LUC7L: variants seen among roughly 807,000 people sequenced by gnomAD.
LUC7L encodes the protein LUC7 like.
LUC7L carries 29 observed loss-of-function variants against 51.1 expected under a neutral mutation model. The observed-to-expected ratio is 0.57, with a 90% CI of 0.42 to 0.77. LUC7L has a LOEUF of 0.77. Among genes scored for constraint, LUC7L ranks in the 30% least tolerant of loss-of-function variants. LUC7L has a pLI of 0.00. For synonymous variants in LUC7L, 181 were observed against 180.7 expected (o/e 1.00, Z -0.01); for missense variants, 403 against 511.9 (o/e 0.79, Z 2.05).
chr16:223,828 C>T (rs1201679380), intron 2 of LUC7L, among the ~76,000 whole-genome samples: 1 of 151,942 alleles, frequency 6.6e-6, no homozygotes, highest in Non-Finnish European at 1.5e-5. Flanking sequence ...CGCCACCACG[C>T]CCGGCTAATA....
rs1596703582 is a variant in LUC7L, at chr16:229,389, G to C, written c.-50C>G. 1.4e-6 allele frequency: 2 copies of C among 1,432,372 alleles called. No homozygotes were observed. Among genetic ancestry groups the C allele is most frequent in the Non-Finnish European group, 1.8e-6 (2 of 1,084,736 alleles). The allele number at this position is 1,432,372 out of a possible 1,614,324, so 88.7% of individuals were successfully genotyped here. ...CGGCCGCGACGACTTCTCTCAGGCAGGCGGTGGCAGCGGCGTCGACAAACG... is the reference window on the plus strand; with the variant it reads ...CGGCCGCGACGACTTCTCTCAGGCACGCGGTGGCAGCGGCGTCGACAAACG... On this transcript the variant is annotated 5_prime_UTR_variant, in exon 1 of 10. Transcript: ENST00000293872.
intron 7 of LUC7L, 104 bp downstream of exon 7, chr16:192,823 G>A (rs893922106): frequency 2.7e-5 from 26 of 975,312 alleles, no homozygotes; most frequent in Non-Finnish European, 3.6e-5. Flanking sequence ...CTTTTATAAC[G>A]GCCTATTGGG....
chr16:207,562 G>A (rs1474542528), intron 4 of LUC7L, among the ~76,000 whole-genome samples: 1 of 152,154 alleles, frequency 6.6e-6, no homozygotes, highest in African/African-American at 2.4e-5. Context: ...ACCATGTACA[G>A]AGGACGAAAA....
In LUC7L at chr16:229,314, GC is replaced by G; in HGVS notation, c.25del (p.Ala9ProfsTer48). 1 of 1,529,592 alleles carries G rather than the reference GC, an allele frequency of 6.5e-7. No individual in the cohort carries two copies. Among genetic ancestry groups the G allele is most frequent in the Non-Finnish European group, 8.7e-7 (1 of 1,145,244 alleles). 94.8% of individuals were successfully genotyped at this position (1,529,592 alleles called of 1,614,324 possible). A position where few individuals can be genotyped will look rare whatever the true frequency, so the allele number is the denominator to read the frequency against. ...CGTGCCCATGAGCTGGTCCAGCAGG[GC>G]CCGCATCTGCGCCTGGGCGGACATG... MSAQAQMR[A>X]LLDQLMGTAR... On this transcript the variant is annotated frameshift_variant, in exon 1 of 10. Transcript: ENST00000293872. LOFTEE classifies it high-confidence loss of function.
At chr16:213,938 T>G (rs2049715674) in intron 3 of LUC7L, among the ~76,000 whole-genome samples, 1 of 152,030 alleles carries the variant, frequency 6.6e-6, no homozygotes, top group Admixed American at 6.6e-5. Context: ...AAGGTCTCCA[T>G]CTCCTGATCT....
At position 216,414 on chromosome 16, in the gene LUC7L, G is replaced by A. The variant is rs551023642; in HGVS notation, c.255+4235C>T. On this transcript the variant is annotated intron_variant, in intron 3 of 9. Transcript: ENST00000293872. Reference sequence around the variant, plus strand: ...TTTTTTTTTTTTGAGACGGAGTCTCGCTCGGTTGTCCAGGCTGGAGTGCAG... The same window carrying A: ...TTTTTTTTTTTTGAGACGGAGTCTCACTCGGTTGTCCAGGCTGGAGTGCAG... 1.0e-4 allele frequency among the ~76,000 whole-genome samples: 13 copies of A among 127,912 alleles called. No individual in the cohort carries two copies. In the South Asian group the frequency reaches 1.5e-3, roughly 14 times the overall value. The allele number at this position is 127,912 out of a possible 152,430, so 83.9% of individuals were successfully genotyped here. A position where few individuals can be genotyped will look rare whatever the true frequency, so the allele number is the denominator to read the frequency against.
At chr16:228,201 G>T (rs2050177107) in intron 1 of LUC7L, 2 of 1,275,750 alleles carry the variant, frequency 1.6e-6, no homozygotes, top group African/African-American at 1.5e-5. Context: ...TTTAGGATTT[G>T]CAAGCATCCA....
chr16:191,280 C>G (rs564979209), intron 7 of LUC7L, among the ~76,000 whole-genome samples: 167 of 152,134 alleles, frequency 1.1e-3, no homozygotes, highest in Non-Finnish European at 1.2e-3. Flanking sequence ...AAGCAAAGCC[C>G]GAAGTTCCAG....
rs1190415687 is a variant in LUC7L, at chr16:227,229, A to T, written c.156+13T>A. 1 of 1,609,896 alleles carries T rather than the reference A, an allele frequency of 6.2e-7. No individual in the cohort carries two copies. The highest frequency in any genetic ancestry group is 8.5e-7 in the Non-Finnish European group (1 of 1,177,182). On this transcript the variant is annotated intron_variant, in intron 2 of 9. Coordinates refer to ENST00000293872, the MANE Select transcript of LUC7L (RefSeq NM_201412.3). ...GTCAGAGTGTTCCATGAGGTCCCCC[A>T]AAATGCACCTACCGTCCCAGCCAGG...
rs372906826 is a variant in LUC7L at position 221,186 on chromosome 16, A to ATTTT, written c.157-443_157-440dup. Among the ~76,000 whole-genome samples the ATTTT allele has an allele frequency of 3.2e-3, 322 of 101,184 alleles. 13 individuals are homozygous for ATTTT. Among genetic ancestry groups the ATTTT allele is most frequent in the East Asian group, 5.1e-3 (15 of 2,920 alleles). The allele number at this position is 101,184 out of a possible 152,430, so 66.4% of individuals were successfully genotyped here. A position where few individuals can be genotyped will look rare whatever the true frequency, so the allele number is the denominator to read the frequency against. On this transcript the variant is annotated intron_variant, in intron 2 of 9. Coordinates refer to ENST00000293872, the MANE Select transcript of LUC7L (RefSeq NM_201412.3). ...AGGCACGTGATACCACACCCAGCTA[A>ATTTT]TTTTTTTTTTTTTTTTTTTTTTTTT...
chr16:197,162 T>C (rs1020084279), intron 6 of LUC7L, among the ~76,000 whole-genome samples: 84 of 146,982 alleles, frequency 5.7e-4, no homozygotes, highest in African/African-American at 2.1e-3. Context: ...CGCCTCGGCC[T>C]CCCAAAATGC....
chr16:200,761 A>G (rs551803585), intron 5 of LUC7L, among the ~76,000 whole-genome samples: 1 of 152,166 alleles, frequency 6.6e-6, no homozygotes, highest in East Asian at 1.9e-4. Context: ...ACGTGCCTAT[A>G]GTCCCACCTA....
At position 229,420 on chromosome 16, in the gene LUC7L, C is replaced by G; in HGVS notation, c.-81G>C. 1 of 1,295,194 alleles carries G rather than the reference C, an allele frequency of 7.7e-7. No homozygotes were observed. The highest frequency in any genetic ancestry group is 1.0e-6 in the Non-Finnish European group (1 of 975,922). The allele number at this position is 1,295,194 out of a possible 1,614,324, so 80.2% of individuals were successfully genotyped here. A position where few individuals can be genotyped will look rare whatever the true frequency, so the allele number is the denominator to read the frequency against. ...GGCAGCGGCGTCGACAAACGATGGTCGCGTCGGCCTCGAGCCCACTCGGCT... is the reference window on the plus strand; with the variant it reads ...GGCAGCGGCGTCGACAAACGATGGTGGCGTCGGCCTCGAGCCCACTCGGCT... On this transcript the variant is annotated 5_prime_UTR_variant, in exon 1 of 10. Transcript: ENST00000293872.
intron 2 of LUC7L, among the ~76,000 whole-genome samples, chr16:224,602 G>A (rs1248118092): frequency 2.6e-5 from 4 of 151,968 alleles, no homozygotes; most frequent in South Asian, 2.1e-4. Flanking sequence ...GGCAGAGGTG[G>A]GTGGATCACC....
intron 4 of LUC7L, 140 bp downstream of exon 4, chr16:207,938 G>A: frequency 1.9e-6 from 1 of 536,220 alleles, no homozygotes. Context: ...GAACCCGGGA[G>A]GCGGAGCTTG....
chr16:229,110 C>G, intron 1 of LUC7L, 169 bp downstream of exon 1: 1 of 1,413,918 alleles, frequency 7.1e-7, no homozygotes, highest in Non-Finnish European at 9.2e-7. Context: ...GCCTCAGAGA[C>G]GCACCGGCTT....
At chr16:190,704 ACC>A (rs2048989074) in intron 7 of LUC7L, 134 bp from the exon 8 acceptor site, 4 of 763,586 alleles carry the variant, frequency 5.2e-6, no homozygotes, top group Non-Finnish European at 9.1e-6. Flanking sequence ...ACGTGGTGAA[ACC>A]CCGTCTCTAC....
In LUC7L at chr16:220,729, A is replaced by G. The variant is rs775681134; in HGVS notation, c.175T>C (p.Cys59Arg). 4 of 1,613,892 alleles carry G rather than the reference A, an allele frequency of 2.5e-6. No homozygotes were observed. The highest frequency in any genetic ancestry group is 3.4e-6 in the Non-Finnish European group (4 of 1,179,804). Residue 59 changes from cysteine to arginine, a missense_variant, in exon 3 of 10, where the codon TGT (cysteine) becomes CGT (arginine). By Grantham distance (180) the Cys-to-Arg change is radical. This residue lies in a region of LUC7L where 182 missense variants were observed against 248.4 expected (regional missense o/e 0.73). Transcript: ENST00000293872. ...LAGTRMDLGECTKIHDLALRA... is the reference protein window; with the variant it reads ...LAGTRMDLGERTKIHDLALRA... ...AGGGCCAAGTCGTGGATTTTGGTAC[A>G]TTCTCCTAAATCCATGCGCTGTGGG...
rs1257711499 is a variant in LUC7L at position 217,908 on chromosome 16, G to A, written c.255+2741C>T. Among the ~76,000 whole-genome samples, 16 of 151,538 alleles carry A rather than the reference G, an allele frequency of 1.1e-4. No homozygotes were observed. The South Asian group carries it at 1.5e-3, about 14-fold the overall frequency. On this transcript the variant is annotated intron_variant, in intron 3 of 9. Transcript: ENST00000293872. ...ATAAAAATTAGCTGGGCGTGGTGGCGGGTGCCTGTAATCACAGCTACTTGG... is the reference window on the plus strand; with the variant it reads ...ATAAAAATTAGCTGGGCGTGGTGGCAGGTGCCTGTAATCACAGCTACTTGG...
Sources: allele counts gnomAD v4.1 joint callset (sites outside exome capture counted in the v4.1 genomes callset), GRCh38; gene constraint gnomAD v4.1.1; regional missense constraint gnomAD v4.1.1; transcripts MANE v1.5; gene names NCBI Gene and HGNC (gene_info 2026-07-23, HGNC 2026-07-21).